GPHN: variants seen among roughly 807,000 people sequenced by gnomAD.
The protein encoded by GPHN is gephyrin.
GPHN carries 17 observed loss-of-function variants against 95.5 expected under a neutral mutation model. The observed-to-expected ratio is 0.18, with a 90% confidence interval of 0.12 to 0.27. GPHN has a LOEUF of 0.27. Ranked by LOEUF, GPHN falls within the 10% of genes least tolerant of loss-of-function variation. The pLI is 1.00. For missense variants in GPHN, 660 were observed against 978.1 expected (o/e 0.67, Z 4.34); for synonymous variants, 320 against 322.5 (o/e 0.99, Z 0.08).
At chr14:66,915,172 TAAAGA>T (rs954330955) in intron 5 of GPHN, among the ~76,000 whole-genome samples, 1 of 152,162 alleles carries the variant, frequency 6.6e-6, no homozygotes, top group African/African-American at 2.4e-5. Flanking sequence ...TAAGAGTGGT[TAAAGA>T]AAAACTCAGT....
chr14:67,174,404 A>T (rs1393234615), intron 21 of GPHN, among the ~76,000 whole-genome samples: 1 of 152,230 alleles, frequency 6.6e-6, no homozygotes, highest in Non-Finnish European at 1.5e-5. Context: ...TGCAAAGGAC[A>T]TGAACTCATC....
the GPHN span, among the ~76,000 whole-genome samples, chr14:67,530,350 C>T: frequency 2.6e-5 from 4 of 152,056 alleles, no homozygotes; most frequent in African/African-American, 9.7e-5. Context: ...AAGGTCCCAC[C>T]ACCACTTAAG....
chr14:66,828,936 A>C (rs965239158), intron 4 of GPHN, among the ~76,000 whole-genome samples: 5 of 152,094 alleles, frequency 3.3e-5, no homozygotes, highest in African/African-American at 1.2e-4. Flanking sequence ...TTCATCTGAT[A>C]CTTGCATGCC....
intron 1 of GPHN, among the ~76,000 whole-genome samples, chr14:66,553,053 C>T (rs756232122): frequency 4.0e-5 from 6 of 150,336 alleles, no homozygotes; most frequent in Non-Finnish European, 8.8e-5. Flanking sequence ...TGCAGTGGCA[C>T]GATCTTGGCT....
the GPHN span, chr14:67,340,464 T>C: frequency 2.5e-6 from 4 of 1,613,922 alleles, no homozygotes; most frequent in Non-Finnish European, 3.4e-6. Context: ...TCGCTCTCTC[T>C]CATCCAGCTC....
At chr14:67,221,728 T>C in the GPHN span, 1 of 1,604,554 alleles carries the variant, frequency 6.2e-7, no homozygotes. Context: ...CTTTTCTAAA[T>C]ATTTGTGGTT....
the GPHN span, among the ~76,000 whole-genome samples, chr14:67,605,496 A>G: frequency 4.9e-3 from 741 of 152,290 alleles, 35 homozygotes; most frequent in East Asian, 0.082. Flanking sequence ...TGCTGGGCTT[A>G]CAGGCATGAG....
intron 18 of GPHN, among the ~76,000 whole-genome samples, chr14:67,148,886 C>T (rs1202515107): frequency 1.3e-5 from 2 of 151,828 alleles, no homozygotes; most frequent in African/African-American, 4.8e-5. Flanking sequence ...TTTTATTCCA[C>T]TTCTCTCATT....
the GPHN span, among the ~76,000 whole-genome samples, chr14:67,632,429 A>G: frequency 2.0e-5 from 3 of 152,178 alleles, no homozygotes; most frequent in Non-Finnish European, 2.9e-5. Context: ...CATGGACTGG[A>G]CAGCACCTTT....
intron 1 of GPHN, 139 bp downstream of exon 1, chr14:66,508,730 A>T: frequency 1.3e-6 from 1 of 748,610 alleles, no homozygotes; most frequent in Non-Finnish European, 2.4e-6. Context: ...GCATTTTACA[A>T]CCGCTGAGAA....
chr14:67,726,205 T>C, the GPHN span: 10 of 1,062,066 alleles, frequency 9.4e-6, no homozygotes, highest in Non-Finnish European at 1.5e-5. Flanking sequence ...CTATCTTTTC[T>C]TTAGGAAGAT....
chr14:66,886,407 T>G (rs576621980), intron 5 of GPHN, among the ~76,000 whole-genome samples: 105 of 152,268 alleles, frequency 6.9e-4, no homozygotes, highest in African/African-American at 2.5e-3. Context: ...TGAAGATTCA[T>G]ATTGTAGGCT....
At chr14:67,583,765 C>A in the GPHN span, 3 of 1,611,608 alleles carry the variant, frequency 1.9e-6, no homozygotes, top group Non-Finnish European at 2.5e-6. Context: ...CTTGGAGAAG[C>A]CTGCCCTGCC....
At chr14:66,866,264 C>T (rs10131292) in intron 4 of GPHN, among the ~76,000 whole-genome samples, 46,024 of 148,662 alleles carry the variant, frequency 0.31, 11,692 homozygotes, top group African/African-American at 0.68. Context: ...ATGAGTAACT[C>T]TTTTTTTTAA....
the GPHN span, among the ~76,000 whole-genome samples, chr14:67,401,453 A>G: frequency 0.012 from 1,821 of 152,290 alleles, 17 homozygotes; most frequent in Non-Finnish European, 0.018. Context: ...TTAATGCTAC[A>G]GTGAACCAAG....
At chr14:66,620,987 G>C (rs995525390) in intron 1 of GPHN, among the ~76,000 whole-genome samples, 1 of 152,056 alleles carries the variant, frequency 6.6e-6, no homozygotes, top group African/African-American at 2.4e-5. Flanking sequence ...TTTTGAGAGA[G>C]AGAGTCTAAC....
At chr14:67,245,878 A>G in the GPHN span, among the ~76,000 whole-genome samples, 2 of 151,718 alleles carry the variant, frequency 1.3e-5, no homozygotes, top group African/African-American at 4.8e-5. Context: ...TTTTTTTCCA[A>G]GTTTTATATT....
At chr14:67,002,132 CA>C (rs1199951399) in intron 9 of GPHN, among the ~76,000 whole-genome samples, 1 of 151,426 alleles carries the variant, frequency 6.6e-6, no homozygotes, top group Non-Finnish European at 1.5e-5. Flanking sequence ...ATTCTATATT[CA>C]AAAAACAGAA....
the GPHN span, chr14:67,663,271 T>C: frequency 2.1e-6 from 2 of 968,578 alleles, no homozygotes; most frequent in East Asian, 2.7e-5. Flanking sequence ...TATTTTCTGA[T>C]AGTTTATACT....
Sources: allele counts gnomAD v4.1 joint callset (sites outside exome capture counted in the v4.1 genomes callset), GRCh38; gene constraint gnomAD v4.1.1; transcripts MANE v1.5; gene names NCBI Gene and HGNC (gene_info 2026-07-23, HGNC 2026-07-21).